ARMH3: variants seen among roughly 807,000 people sequenced by gnomAD.
ARMH3 encodes the protein armadillo-like helical domain-containing protein 3.
ARMH3 carries 60 observed loss-of-function variants against 99.1 expected under a neutral mutation model. That is an observed-to-expected ratio of 0.61 (90% CI 0.49 to 0.75). ARMH3 has a LOEUF of 0.75. Ranked by LOEUF, ARMH3 falls within the 30% of genes least tolerant of loss-of-function variation. The pLI, the probability that ARMH3 is intolerant of heterozygous loss-of-function variation, is 0.00. For missense variants in ARMH3, 679 were observed against 843.1 expected (o/e 0.81, Z 2.41); for synonymous variants, 285 against 292.8 (o/e 0.97, Z 0.27).
chr10:101,969,864 T>G (rs561805933), intron 20 of ARMH3, among the ~76,000 whole-genome samples: 1 of 152,334 alleles, frequency 6.6e-6, no homozygotes, highest in East Asian at 1.9e-4. Flanking sequence ...GCAAGTCACT[T>G]AACCCTTCTA....
At chr10:101,929,896 AT>A (rs773618702) in intron 23 of ARMH3, among the ~76,000 whole-genome samples, 3 of 150,400 alleles carry the variant, frequency 2.0e-5, no homozygotes, top group East Asian at 1.9e-4. Flanking sequence ...TAGGTTTCAG[AT>A]TTTTTTTTTA....
At chr10:101,853,041 G>A (rs941071057) in intron 24 of ARMH3, among the ~76,000 whole-genome samples, 11 of 148,242 alleles carry the variant, frequency 7.4e-5, no homozygotes, top group Non-Finnish European at 1.3e-4. Flanking sequence ...CTGCCACCAT[G>A]CTTGGCTAAT....
chr10:102,022,479 G>A (rs1251093388), intron 8 of ARMH3, among the ~76,000 whole-genome samples: 9 of 124,684 alleles, frequency 7.2e-5, no homozygotes, highest in African/African-American at 9.2e-5. Context: ...GCGACAGAGC[G>A]AGACTCTGAC....
intron 24 of ARMH3, among the ~76,000 whole-genome samples, chr10:101,877,103 G>C (rs1366553305): frequency 6.6e-6 from 1 of 152,026 alleles, no homozygotes; most frequent in African/African-American, 2.4e-5. Context: ...CAGCTACTCA[G>C]CTGGGACTGG....
chr10:101,944,267 TATATATAGAGAGAGAGAG>T (rs1283070158), intron 22 of ARMH3, among the ~76,000 whole-genome samples: 14 of 51,130 alleles, frequency 2.7e-4, no homozygotes, highest in African/African-American at 7.2e-4. Context: ...TATATATATA[TATATATAGAGAGAGAGAG>T]AGAGAGAGAG....
intron 18 of ARMH3, 41 bp from the exon 19 acceptor site, chr10:101,990,652 A>G (rs764450818): frequency 3.3e-6 from 5 of 1,500,316 alleles, no homozygotes; most frequent in Non-Finnish European, 4.6e-6. Context: ...ATTACAATGG[A>G]ATTCATTTCT....
chr10:101,995,436 CATA>C, intron 15 of ARMH3, 81 bp from the exon 16 acceptor site: 1 of 1,179,092 alleles, frequency 8.5e-7, no homozygotes, highest in Non-Finnish European at 1.2e-6. Context: ...GGACGTATAT[CATA>C]AAAGGAAACA....
chr10:101,901,038 G>C (rs2067962321), intron 23 of ARMH3, among the ~76,000 whole-genome samples: 1 of 151,556 alleles, frequency 6.6e-6, no homozygotes, highest in Non-Finnish European at 1.5e-5. Flanking sequence ...AGGAAGGAGG[G>C]AAATATTCTG....
At chr10:101,995,406 T>A (rs753655856) in intron 15 of ARMH3, 51 bp from the exon 16 acceptor site, 4 of 1,425,586 alleles carry the variant, frequency 2.8e-6, no homozygotes, top group Non-Finnish European at 3.9e-6. Context: ...ATTTACATCA[T>A]CTGTTTCAAT....
chr10:102,021,425 C>A (rs1046771461), intron 8 of ARMH3, among the ~76,000 whole-genome samples: 6 of 151,126 alleles, frequency 4.0e-5, no homozygotes, highest in Non-Finnish European at 5.9e-5. Flanking sequence ...CTATGTCACC[C>A]AGACTGGAGT....
At position 101,990,532 on chromosome 10, in the gene ARMH3, T is replaced by A; in HGVS notation, c.1406+19A>T. On this transcript the variant is annotated intron_variant, in intron 19 of 25. Coordinates refer to ENST00000370033, the MANE Select transcript of ARMH3 (RefSeq NM_024541.3). ...AAAATAGATTTGTACACATTAAATGTGTACATATTTGTACTTACATATAGA... is the reference window on the plus strand; with the variant it reads ...AAAATAGATTTGTACACATTAAATGAGTACATATTTGTACTTACATATAGA... The A allele has an allele frequency of 1.3e-6, 2 of 1,495,992 alleles. No individual in the cohort carries two copies. The allele number at this position is 1,495,992 out of a possible 1,614,324, so 92.7% of individuals were successfully genotyped here. A position where few individuals can be genotyped will look rare whatever the true frequency, so the allele number is the denominator to read the frequency against.
intron 24 of ARMH3, among the ~76,000 whole-genome samples, chr10:101,854,181 C>A: frequency 6.6e-6 from 1 of 152,106 alleles, no homozygotes. Context: ...GACAATTCAC[C>A]TAGCCTCTTG....
chr10:102,046,338 AAAAG>A (rs942904155), intron 1 of ARMH3, among the ~76,000 whole-genome samples: 4 of 151,574 alleles, frequency 2.6e-5, no homozygotes, highest in Admixed American at 6.6e-5. Flanking sequence ...AGAAAAGAGA[AAAAG>A]AAAAAAAAAA....
intron 15 of ARMH3, among the ~76,000 whole-genome samples, chr10:101,998,845 A>G (rs1225166719): frequency 6.6e-6 from 1 of 152,220 alleles, no homozygotes; most frequent in Non-Finnish European, 1.5e-5. Context: ...ACCACCTACA[A>G]GGCATTAATC....
intron 24 of ARMH3, among the ~76,000 whole-genome samples, chr10:101,879,738 C>T (rs1170840638): frequency 2.0e-5 from 3 of 152,090 alleles, no homozygotes; most frequent in African/African-American, 4.8e-5. Context: ...TCTATTTGCA[C>T]GTATTTTAAA....
Position 102,011,764 on chromosome 10 carries a change from C to A in ARMH3, c.790G>T (p.Glu264Ter). The A allele has an allele frequency of 1.2e-6, 2 of 1,610,070 alleles. No individual in the cohort carries two copies. The highest frequency in any genetic ancestry group is 2.2e-5 in the East Asian group (1 of 44,786). ...EYNRQYKDKE[E>*]EHQSGFFSAL... ...GAGAAAAAACCACTTTGGTGTTCTT[C>A]TTCCTTGTCTTTATACTGCCTAAAC... The change falls in exon 11 of 26, where the codon GAA (glutamate) becomes TAA (stop). Residue 264 changes from glutamate to a stop codon, truncating the protein, a stop_gained. Coordinates refer to ENST00000370033, the MANE Select transcript of ARMH3 (RefSeq NM_024541.3). LOFTEE classifies it high-confidence loss of function.
chr10:101,871,738 C>T (rs2067136625), intron 24 of ARMH3, among the ~76,000 whole-genome samples: 2 of 152,150 alleles, frequency 1.3e-5, no homozygotes, highest in African/African-American at 4.8e-5. Flanking sequence ...CAGTGGCTCA[C>T]ACTTGTAATC....
chr10:101,911,857 G>A (rs1007508791), intron 23 of ARMH3, among the ~76,000 whole-genome samples: 5 of 152,114 alleles, frequency 3.3e-5, no homozygotes, highest in African/African-American at 1.2e-4. Context: ...CCAACATGGT[G>A]AAACCCCATC....
At chr10:101,849,477 C>A (rs1329073896) in intron 25 of ARMH3, among the ~76,000 whole-genome samples, 1 of 152,064 alleles carries the variant, frequency 6.6e-6, no homozygotes, top group Non-Finnish European at 1.5e-5. Flanking sequence ...TATTAGTTGC[C>A]CTGAGGACAG....
Sources: allele counts gnomAD v4.1 joint callset (sites outside exome capture counted in the v4.1 genomes callset), GRCh38; gene constraint gnomAD v4.1.1; transcripts MANE v1.5; gene names NCBI Gene and HGNC (gene_info 2026-07-23, HGNC 2026-07-21).